The following MCTP1 variants were observed in gnomAD, a reference collection of about 807,000 sequenced individuals.
MCTP1 encodes multiple C2 and transmembrane domain-containing protein 1.
In MCTP1, 69 loss-of-function variants were observed where a neutral mutation model predicts 120.6. The observed-to-expected ratio is 0.57, with a 90% CI of 0.47 to 0.70. MCTP1 has a LOEUF of 0.70. MCTP1 is among the 30% of genes least tolerant of loss of function. The probability of loss-of-function intolerance (pLI) is 0.00; values close to 1 mark genes in which losing one functional copy is unlikely to be tolerated. For missense variants in MCTP1, 1,203 were observed against 1,248.8 expected (o/e 0.96, Z 0.55); for synonymous variants, 529 against 493.1 (o/e 1.07, Z -0.96).
chr5:95,092,223 GAA>G (rs752782529), intron 1 of MCTP1, among the ~76,000 whole-genome samples: 1 of 152,124 alleles, frequency 6.6e-6, no homozygotes, highest in African/African-American at 2.4e-5. Context: ...AATGCAAGAG[GAA>G]AGAGATGAGC....
chr5:94,813,113 G>A (rs1243900970), intron 17 of MCTP1, among the ~76,000 whole-genome samples: 1 of 151,988 alleles, frequency 6.6e-6, no homozygotes, highest in African/African-American at 2.4e-5. Context: ...AGTATGTAGA[G>A]TACTTAATAC....
intron 19 of MCTP1, among the ~76,000 whole-genome samples, chr5:94,776,814 T>G (rs561778903): frequency 2.3e-4 from 35 of 152,270 alleles, no homozygotes; most frequent in Admixed American, 7.8e-4. Context: ...TTACCCTTCT[T>G]CCACTCAGAC....
At chr5:95,205,073 T>C (rs1751471536) in intron 1 of MCTP1, among the ~76,000 whole-genome samples, 1 of 152,150 alleles carries the variant, frequency 6.6e-6, no homozygotes, top group Non-Finnish European at 1.5e-5. Context: ...TCACACTTCA[T>C]AATTTATTAA....
At chr5:95,270,407 T>C (rs1330599695) in intron 1 of MCTP1, among the ~76,000 whole-genome samples, 1 of 152,234 alleles carries the variant, frequency 6.6e-6, no homozygotes, top group Non-Finnish European at 1.5e-5. Context: ...TTAATATATA[T>C]ACAACACTTA....
chr5:95,041,703 G>A (rs1842389360), intron 1 of MCTP1, among the ~76,000 whole-genome samples: 1 of 152,102 alleles, frequency 6.6e-6, no homozygotes. Context: ...TTAGTAAATA[G>A]AATATAGTCA....
chr5:94,931,858 T>A, intron 6 of MCTP1, 95 bp downstream of exon 6: 1 of 919,296 alleles, frequency 1.1e-6, no homozygotes, highest in East Asian at 2.5e-5. Flanking sequence ...GTATGAAATC[T>A]GGTAGCATAC....
chr5:95,175,199 T>A (rs1747820892), intron 1 of MCTP1, among the ~76,000 whole-genome samples: 1 of 152,222 alleles, frequency 6.6e-6, no homozygotes, highest in Non-Finnish European at 1.5e-5. Flanking sequence ...ACCAATTCAT[T>A]AATCAATGTT....
intron 2 of MCTP1, among the ~76,000 whole-genome samples, chr5:94,976,307 C>T (rs545062071): frequency 6.6e-6 from 1 of 151,956 alleles, no homozygotes; most frequent in Non-Finnish European, 1.5e-5. Flanking sequence ...AAAAATTATC[C>T]AGGTGTAGTG....
intron 1 of MCTP1, among the ~76,000 whole-genome samples, chr5:95,149,788 TTCTC>T (rs1760732214): frequency 6.6e-6 from 1 of 151,914 alleles, no homozygotes; most frequent in Non-Finnish European, 1.5e-5. Context: ...CTCCCAGAGG[TTCTC>T]TCTATCAGTC....
intron 1 of MCTP1, among the ~76,000 whole-genome samples, chr5:95,067,689 T>A (rs1473870763): frequency 2.0e-5 from 3 of 152,170 alleles, no homozygotes; most frequent in Non-Finnish European, 4.4e-5. Flanking sequence ...TGAATAATAA[T>A]TGTATGTATT....
intron 1 of MCTP1, among the ~76,000 whole-genome samples, chr5:95,047,280 A>T (rs949171787): frequency 3.9e-5 from 6 of 152,214 alleles, no homozygotes; most frequent in Non-Finnish European, 7.4e-5. Context: ...TGTTCATCCT[A>T]GTGTCTTACG....
intron 1 of MCTP1, among the ~76,000 whole-genome samples, chr5:95,171,222 A>G (rs557360544): frequency 1.3e-5 from 2 of 152,260 alleles, no homozygotes; most frequent in Non-Finnish European, 2.9e-5. Flanking sequence ...TTTCTTTAAG[A>G]ATGTTGAATA....
At chr5:94,798,861 A>C in intron 18 of MCTP1, 152 bp downstream of exon 18, 1 of 652,866 alleles carries the variant, frequency 1.5e-6, no homozygotes. Context: ...AGGACCAAAG[A>C]GTTGTTAGTT....
At chr5:94,759,525 A>C (rs1419460210) in intron 19 of MCTP1, among the ~76,000 whole-genome samples, 1 of 152,262 alleles carries the variant, frequency 6.6e-6, no homozygotes, top group Non-Finnish European at 1.5e-5. Context: ...TATAAATAGT[A>C]ACATTAAAAA....
intron 1 of MCTP1, among the ~76,000 whole-genome samples, chr5:95,235,855 A>G (rs1211820383): frequency 6.6e-6 from 1 of 152,216 alleles, no homozygotes; most frequent in Non-Finnish European, 1.5e-5. Context: ...GAGCTGGAGT[A>G]GAGAACCTAG....
At chr5:94,856,404 TA>T (rs1019836458) in intron 17 of MCTP1, among the ~76,000 whole-genome samples, 11 of 151,704 alleles carry the variant, frequency 7.3e-5, no homozygotes, top group African/African-American at 1.4e-4. Context: ...ACAAACACAA[TA>T]AAAAAAATCT....
chr5:95,122,248 T>A (rs2152409844), intron 1 of MCTP1, among the ~76,000 whole-genome samples: 1 of 152,046 alleles, frequency 6.6e-6, no homozygotes, highest in Admixed American at 6.5e-5. Flanking sequence ...AAACTATCCA[T>A]CTGACAAGTG....
chr5:95,163,149 G>T (rs1348129618), intron 1 of MCTP1, among the ~76,000 whole-genome samples: 1 of 151,980 alleles, frequency 6.6e-6, no homozygotes, highest in Admixed American at 6.6e-5. Context: ...TTTTTATTTA[G>T]AGTTAGGAGT....
intron 17 of MCTP1, among the ~76,000 whole-genome samples, chr5:94,799,684 C>T (rs1049900874): frequency 1.3e-5 from 2 of 152,116 alleles, no homozygotes; most frequent in African/African-American, 4.8e-5. Context: ...GCTTAATATT[C>T]AGCATTACCA....
Sources: gnomAD v4.1 joint callset for allele counts (sites outside exome capture counted in the v4.1 genomes callset) on GRCh38, gnomAD v4.1.1 for gene constraint, MANE v1.5 for transcripts, NCBI Gene and HGNC (gene_info 2026-07-23, HGNC 2026-07-21) for gene names.